The following USP3 variants were observed in gnomAD, a reference collection of about 807,000 sequenced individuals.
USP3 encodes the protein ubiquitin specific peptidase 3.
USP3 carries 20 observed loss-of-function variants against 72.3 expected under a neutral mutation model. The observed-to-expected ratio is 0.28, with a 90% CI of 0.19 to 0.40. The LOEUF is 0.40. Among genes scored for constraint, USP3 ranks in the 10% least tolerant of loss-of-function variants. USP3 has a pLI of 1.00. For missense variants in USP3, 479 were observed against 633.9 expected (o/e 0.76, Z 2.62); for synonymous variants, 222 against 225.3 (o/e 0.99, Z 0.13).
At position 63,532,653 on chromosome 15, in the gene USP3, G is replaced by T. The variant is rs200154553; in HGVS notation, c.98G>T (p.Arg33Leu). The T allele has an allele frequency of 3.7e-5, 59 of 1,613,794 alleles. No homozygotes were observed. The highest frequency in any genetic ancestry group is 4.7e-5 in the Non-Finnish European group (56 of 1,179,912). Residue 33 changes from arginine (R) to leucine (L), a missense_variant, in exon 2 of 15, where the codon CGG (arginine) becomes CTG (leucine). Transcript: ENST00000380324. The stretch of plus-strand genomic sequence containing the variant: ...GTATTTTTCTTTTTATTAGTGTGCC[G>T]GTCCAACAAAAGCCCTTGGGTCTGT... ...SPSSWCCSVC[R>L]SNKSPWVCLT...
chr15:63,573,361 AGGTTAAATAACATTAGGGC>A (rs982360848), intron 9 of USP3, among the ~76,000 whole-genome samples: 1 of 152,232 alleles, frequency 6.6e-6, no homozygotes, highest in African/African-American at 2.4e-5. Flanking sequence ...AGGCATAAAA[AGGTTAAATAACATTAGGGC>A]AGGTGGTTTT....
chr15:63,549,564 C>A (rs1050139669), intron 3 of USP3, among the ~76,000 whole-genome samples: 4 of 152,112 alleles, frequency 2.6e-5, no homozygotes, highest in Non-Finnish European at 5.9e-5. Flanking sequence ...GTTTTGCAGC[C>A]ACTTTACACA....
chr15:63,543,247 T>C (rs777868386), intron 3 of USP3, among the ~76,000 whole-genome samples: 2 of 152,180 alleles, frequency 1.3e-5, no homozygotes, highest in Non-Finnish European at 2.9e-5. Context: ...AATGTTTACT[T>C]GGGACAGATC....
intron 5 of USP3, among the ~76,000 whole-genome samples, chr15:63,557,251 A>ATTTTGT (rs1336432332): frequency 1.4e-5 from 2 of 147,554 alleles, no homozygotes; most frequent in East Asian, 2.0e-4. Context: ...TTGTACTTTT[A>ATTTTGT]TTTTGTTTTT....
At chr15:63,536,418 T>G (rs2066156428) in intron 2 of USP3, among the ~76,000 whole-genome samples, 1 of 150,386 alleles carries the variant, frequency 6.6e-6, no homozygotes, top group Non-Finnish European at 1.5e-5. Flanking sequence ...AGCTTGTCTT[T>G]GATAATAGCC....
At position 63,574,479 on chromosome 15, in the gene USP3, G is replaced by A. The variant is rs1472585440; in HGVS notation, c.1096+76G>A. ...GATTGATAAGCTTCATCTATATGTG[G>A]TATCTTTAATTAATATCTTTAATGA... On this transcript the variant is annotated intron_variant, in intron 11 of 14. Coordinates refer to ENST00000380324, the MANE Select transcript of USP3 (RefSeq NM_006537.4). This position sits in a 1 kb window ranked among gnomAD's most constrained non-coding sequence, Gnocchi z 4.6. The A allele has an allele frequency of 2.8e-5, 31 of 1,116,808 alleles. No homozygotes were observed. The highest frequency in any genetic ancestry group is 3.9e-5 in the Non-Finnish European group (31 of 797,344). The allele number at this position is 1,116,808 out of a possible 1,614,324, so 69.2% of individuals were successfully genotyped here.
chr15:63,544,027 C>G lies in USP3; in HGVS notation c.284+6871C>G, dbSNP rs1267449581. On this transcript the variant is annotated intron_variant, in intron 3 of 14. Transcript: ENST00000380324. The surrounding 1 kb of genome is among the most constrained non-coding windows in gnomAD (Gnocchi z 4.2). ...GAGTTCGAGACCAGCCTGGGCAACACAGGGAGACACTGTCTTTAAAAAAAA... is the reference window on the plus strand; with the variant it reads ...GAGTTCGAGACCAGCCTGGGCAACAGAGGGAGACACTGTCTTTAAAAAAAA... Among the ~76,000 whole-genome samples, 1 of 144,312 alleles carries G rather than the reference C, an allele frequency of 6.9e-6. No individual in the cohort carries two copies. The highest frequency in any genetic ancestry group is 1.5e-5 in the Non-Finnish European group (1 of 66,618). 94.7% of individuals were successfully genotyped at this position (144,312 alleles called of 152,430 possible). A position where few individuals can be genotyped will look rare whatever the true frequency, so the allele number is the denominator to read the frequency against.
In USP3 at chr15:63,570,405, C is replaced by T. The variant is rs1299959673; in HGVS notation, c.762-28C>T. On this transcript the variant is annotated intron_variant, in intron 8 of 14. Coordinates refer to ENST00000380324, the MANE Select transcript of USP3 (RefSeq NM_006537.4). The surrounding 1 kb of genome is among the most constrained non-coding windows in gnomAD (Gnocchi z 4.4). ...GGGCACAAAGAGCCCTCCACCCGGC[C>T]TTATAAGTGACTGTTTGTTTGCTTT... 1 of 1,613,338 alleles carries T rather than the reference C, an allele frequency of 6.2e-7. No homozygotes were observed. The highest frequency in any genetic ancestry group is 1.1e-5 in the South Asian group (1 of 91,026).
intron 1 of USP3, among the ~76,000 whole-genome samples, chr15:63,509,307 T>G (rs2065752865): frequency 6.6e-6 from 1 of 152,240 alleles, no homozygotes; most frequent in Non-Finnish European, 1.5e-5. Flanking sequence ...AATATTTGCC[T>G]GATAAATAAA....
chr15:63,584,092 G>GTTTT lies in USP3; in HGVS notation c.1097-4193_1097-4190dup, dbSNP rs61574200. Among the ~76,000 whole-genome samples the GTTTT allele has an allele frequency of 9.1e-3, 778 of 85,424 alleles. 1 individual carries two copies. The highest frequency in any genetic ancestry group is 0.012 in the Non-Finnish European group (559 of 44,890). The allele number at this position is 85,424 out of a possible 152,430, so 56.0% of individuals were successfully genotyped here. A position where few individuals can be genotyped will look rare whatever the true frequency, so the allele number is the denominator to read the frequency against. On this transcript the variant is annotated intron_variant, in intron 11 of 14. Transcript: ENST00000380324. ...CCCACCAGCAAGGTACAACGGTTTT[G>GTTTT]TTTTTTTTTTTTTTTTTTTTTTTGA...
intron 1 of USP3, among the ~76,000 whole-genome samples, chr15:63,505,789 C>G (rs1441667056): frequency 1.3e-5 from 2 of 152,084 alleles, no homozygotes; most frequent in African/African-American, 4.8e-5. Flanking sequence ...GAGATGGTCA[C>G]TGGTATCTTG....
intron 1 of USP3, among the ~76,000 whole-genome samples, chr15:63,522,313 G>A (rs576962798): frequency 1.8e-4 from 28 of 152,344 alleles, no homozygotes; most frequent in Non-Finnish European, 2.8e-4. Context: ...GGCCACAAGT[G>A]GATTACATAT....
At chr15:63,578,745 G>C (rs1482783945) in intron 11 of USP3, among the ~76,000 whole-genome samples, 1 of 152,166 alleles carries the variant, frequency 6.6e-6, no homozygotes, top group Non-Finnish European at 1.5e-5. Flanking sequence ...GAATAAGCCA[G>C]GAGGCCTACT....
chr15:63,566,782 AGTTTT>A (rs1202897853), intron 8 of USP3, among the ~76,000 whole-genome samples: 3 of 152,018 alleles, frequency 2.0e-5, no homozygotes, highest in Non-Finnish European at 4.4e-5. Flanking sequence ...CATTTTTGTC[AGTTTT>A]GTTTTCTGGT....
Position 63,529,497 on chromosome 15 carries a change from A to G in USP3, c.92-3150A>G, listed in dbSNP as rs1038189920. On this transcript the variant is annotated intron_variant, in intron 1 of 14. Coordinates refer to ENST00000380324, the MANE Select transcript of USP3 (RefSeq NM_006537.4). The surrounding 1 kb of genome is among the most constrained non-coding windows in gnomAD (Gnocchi z 4.2). ...CCATTCTCTTGACCCCCTCAGTCTTAGAGTTTTTTGGTTTTTTAAAATGTG... is the reference window on the plus strand; with the variant it reads ...CCATTCTCTTGACCCCCTCAGTCTTGGAGTTTTTTGGTTTTTTAAAATGTG... Among the ~76,000 whole-genome samples the G allele has an allele frequency of 6.6e-6, 1 of 152,174 alleles. No homozygotes were observed. Among genetic ancestry groups the G allele is most frequent in the Non-Finnish European group, 1.5e-5 (1 of 68,020 alleles).
At chr15:63,508,550 TTTAAAA>T (rs1449671168) in intron 1 of USP3, among the ~76,000 whole-genome samples, 1 of 152,208 alleles carries the variant, frequency 6.6e-6, no homozygotes, top group African/African-American at 2.4e-5. Context: ...GGGATTCTAG[TTTAAAA>T]TGAAAAAGTT....
chr15:63,587,491 C>T (rs954545974), intron 11 of USP3, among the ~76,000 whole-genome samples: 1 of 152,170 alleles, frequency 6.6e-6, no homozygotes, highest in Non-Finnish European at 1.5e-5. Context: ...AGCAGGTCCT[C>T]CAATAATAGT....
chr15:63,540,527 T>G (rs2066229065), intron 3 of USP3, among the ~76,000 whole-genome samples: 1 of 152,196 alleles, frequency 6.6e-6, no homozygotes, highest in Non-Finnish European at 1.5e-5. Context: ...TAATACTGTG[T>G]CCCCTGATCA....
chr15:63,558,748 G>A (rs1324786359), intron 6 of USP3, among the ~76,000 whole-genome samples: 3 of 152,202 alleles, frequency 2.0e-5, no homozygotes, highest in South Asian at 2.1e-4. Context: ...GGTGGCATGC[G>A]CCTCTAGTCC....
Sources: gnomAD v4.1 joint callset for allele counts (sites outside exome capture counted in the v4.1 genomes callset) on GRCh38, gnomAD v4.1.1 for gene constraint, Gnocchi (gnomAD v3.1) non-coding constraint, MANE v1.5 for transcripts, NCBI Gene and HGNC (gene_info 2026-07-23, HGNC 2026-07-21) for gene names.